TMEM132D: variants seen among roughly 807,000 people sequenced by gnomAD.
TMEM132D encodes mature OL transmembrane protein.
Under a neutral mutation model 62.3 loss-of-function variants are expected in TMEM132D, and 21 were observed. The observed-to-expected ratio is 0.34, with a 90% confidence interval of 0.24 to 0.49. The LOEUF is 0.49. Among genes scored for constraint, TMEM132D ranks in the 20% least tolerant of loss-of-function variants. The pLI is 0.99. For missense variants in TMEM132D, 1,346 were observed against 1,402.8 expected (o/e 0.96, Z 0.65); for synonymous variants, 621 against 575.6 (o/e 1.08, Z -1.13).
rs546228870 is a variant in TMEM132D, at chr12:129,752,081, C to T, written c.80-51383G>A. ...TCAATTTGCCAACACACCATCCCCT[C>T]ATACTACTGGGAAGATTTTTTATGG... On this transcript the variant is annotated intron_variant, in intron 1 of 8. Coordinates refer to ENST00000422113, the MANE Select transcript of TMEM132D (RefSeq NM_133448.3). Among the ~76,000 whole-genome samples, 13 of 152,290 alleles carry T rather than the reference C, an allele frequency of 8.5e-5. No homozygotes were observed. The South Asian group carries it at 2.3e-3, about 27-fold the overall frequency.
intron 1 of TMEM132D, among the ~76,000 whole-genome samples, chr12:129,721,466 G>A (rs1353650232): frequency 6.6e-5 from 10 of 152,164 alleles, no homozygotes; most frequent in African/African-American, 2.2e-4. Context: ...TGCCCAGAAC[G>A]GGGAAGCTTC....
At chr12:129,100,049 CT>C (rs1049464597) in intron 5 of TMEM132D, among the ~76,000 whole-genome samples, 11 of 140,384 alleles carry the variant, frequency 7.8e-5, no homozygotes, top group Non-Finnish European at 1.1e-4. Context: ...ATTTTATTAT[CT>C]TTTTTTTTGG....
At position 129,870,920 on chromosome 12, in the gene TMEM132D, G is replaced by T. The variant is rs143149156; in HGVS notation, c.79+32341C>A. 4.0e-3 allele frequency among the ~76,000 whole-genome samples: 612 copies of T among 152,268 alleles called. 19 individuals carry two copies. Among genetic ancestry groups the T allele is most frequent in the Admixed American group, 0.036 (544 of 15,300 alleles). ...TCTGCACTAACTCTAGGTGGTCAGTGTCAGAATTGCATTGAATCGCAGGAC... is the reference window on the plus strand; with the variant it reads ...TCTGCACTAACTCTAGGTGGTCAGTTTCAGAATTGCATTGAATCGCAGGAC... On this transcript the variant is annotated intron_variant, in intron 1 of 8. Transcript: ENST00000422113.
rs527528745 is a variant in TMEM132D, at chr12:129,770,529, A to G, written c.80-69831T>C. Reference sequence around the variant, plus strand: ...AGATAGAAATTCTTTCAGCTCATCTAACATGGCACTGGAACATATTACTGA... The same window carrying G: ...AGATAGAAATTCTTTCAGCTCATCTGACATGGCACTGGAACATATTACTGA... On this transcript the variant is annotated intron_variant, in intron 1 of 8. Coordinates refer to ENST00000422113, the MANE Select transcript of TMEM132D (RefSeq NM_133448.3). Among the ~76,000 whole-genome samples, 4 of 152,328 alleles carry G rather than the reference A, an allele frequency of 2.6e-5. No individual in the cohort carries two copies. The South Asian group carries it at 8.3e-4, about 32-fold the overall frequency.
chr12:129,078,539 T>G lies in TMEM132D; in HGVS notation c.2110A>C (p.Lys704Gln). The part of the protein sequence containing the change: ...AVAQELLQRP[K>Q]QEAAISCWVQ... ...TCTCAAGCCCTCCTCCATACCTGTTTTGGCCTCTGCAGAAGTTCCTGAGCC... is the reference window on the plus strand; with the variant it reads ...TCTCAAGCCCTCCTCCATACCTGTTGTGGCCTCTGCAGAAGTTCCTGAGCC... Residue 704 changes from lysine to glutamine, a missense_variant, in exon 8 of 9, where the codon AAA becomes CAA. Coordinates refer to ENST00000422113, the MANE Select transcript of TMEM132D (RefSeq NM_133448.3). 4 of 1,613,466 alleles carry G rather than the reference T, an allele frequency of 2.5e-6. No individual in the cohort carries two copies. The highest frequency in any genetic ancestry group is 3.4e-6 in the Non-Finnish European group (4 of 1,179,828).
intron 1 of TMEM132D, among the ~76,000 whole-genome samples, chr12:129,770,140 G>GTTTTT (rs375230592): frequency 0.022 from 2,273 of 103,858 alleles, 140 homozygotes; most frequent in African/African-American, 0.041. Flanking sequence ...GGTTTTTTTG[G>GTTTTT]TTGTTTTTTT....
chr12:129,288,168 A>G (rs1218809846), intron 4 of TMEM132D, among the ~76,000 whole-genome samples: 2 of 152,356 alleles, frequency 1.3e-5, no homozygotes, highest in South Asian at 2.1e-4. Flanking sequence ...GCTCCATGAC[A>G]TTGGTCTCAA....
At chr12:129,184,151 T>A (rs1878154839) in intron 5 of TMEM132D, among the ~76,000 whole-genome samples, 1 of 152,160 alleles carries the variant, frequency 6.6e-6, no homozygotes, top group South Asian at 2.1e-4. Flanking sequence ...CACCACCAAG[T>A]CTGCAGTTTC....
chr12:129,855,183 G>A (rs1224230589), intron 1 of TMEM132D, among the ~76,000 whole-genome samples: 17 of 93,654 alleles, frequency 1.8e-4, no homozygotes, highest in African/African-American at 7.3e-4. Flanking sequence ...CCGGGGGAAC[G>A]GGATGGCTGC....
At chr12:129,096,095 A>G (rs1464572993) in intron 5 of TMEM132D, among the ~76,000 whole-genome samples, 1 of 152,150 alleles carries the variant, frequency 6.6e-6, no homozygotes, top group African/African-American at 2.4e-5. Context: ...CAGCCTTCCC[A>G]GGTATGCACA....
rs201442945 is a variant in TMEM132D, at chr12:129,678,116, C to G, written c.968+21694G>C. Among the ~76,000 whole-genome samples, 86 of 95,124 alleles carry G rather than the reference C, an allele frequency of 9.0e-4. 1 individual carries two copies. The South Asian group carries it at 0.027, about 30-fold the overall frequency. The allele number at this position is 95,124 out of a possible 152,430, so 62.4% of individuals were successfully genotyped here. The stretch of plus-strand genomic sequence containing the variant: ...CATTTTCAGTATTTGTTGATATAAA[C>G]AGTGCTTCTACGAATATTTAAGTAT... On this transcript the variant is annotated intron_variant, in intron 2 of 8. Coordinates refer to ENST00000422113, the MANE Select transcript of TMEM132D (RefSeq NM_133448.3).
At chr12:129,636,107 C>T (rs1309730801) in intron 2 of TMEM132D, among the ~76,000 whole-genome samples, 1 of 152,128 alleles carries the variant, frequency 6.6e-6, no homozygotes, top group Non-Finnish European at 1.5e-5. Flanking sequence ...GATGAAGTTT[C>T]CTGGGTGGCT....
At chr12:129,660,683 G>T (rs1053594864) in intron 2 of TMEM132D, among the ~76,000 whole-genome samples, 1 of 152,110 alleles carries the variant, frequency 6.6e-6, no homozygotes, top group Non-Finnish European at 1.5e-5. Flanking sequence ...CATGTGCGGG[G>T]GGTACAGGAG....
In TMEM132D at chr12:129,802,540, G is replaced by A. The variant is rs12306968; in HGVS notation, c.79+100721C>T. Among the ~76,000 whole-genome samples, 1,018 of 110,468 alleles carry A rather than the reference G, an allele frequency of 9.2e-3. 18 individuals are homozygous for A. The highest frequency in any genetic ancestry group is 0.033 in the African/African-American group (940 of 28,272). 72.5% of individuals were successfully genotyped at this position (110,468 alleles called of 152,430 possible). Reference sequence around the variant, plus strand: ...CCCTAAAAGAGCTCCTGAAGGAAGCGCTAAACATGGAAAGGAACAACCGGT... The same window carrying A: ...CCCTAAAAGAGCTCCTGAAGGAAGCACTAAACATGGAAAGGAACAACCGGT... On this transcript the variant is annotated intron_variant, in intron 1 of 8. Coordinates refer to ENST00000422113, the MANE Select transcript of TMEM132D (RefSeq NM_133448.3).
At chr12:129,882,604 G>A (rs1455890138) in intron 1 of TMEM132D, among the ~76,000 whole-genome samples, 1 of 152,090 alleles carries the variant, frequency 6.6e-6, no homozygotes, top group Non-Finnish European at 1.5e-5. Flanking sequence ...GACATTAAAT[G>A]CTCCCAACAC....
At chr12:129,415,947 G>T (rs144199463) in intron 3 of TMEM132D, among the ~76,000 whole-genome samples, 1 of 152,096 alleles carries the variant, frequency 6.6e-6, no homozygotes, top group Non-Finnish European at 1.5e-5. Context: ...CATTCTGCTC[G>T]GCTTAACACT....
intron 3 of TMEM132D, among the ~76,000 whole-genome samples, chr12:129,517,121 C>T (rs759327199): frequency 2.0e-4 from 30 of 152,102 alleles, no homozygotes; most frequent in Non-Finnish European, 3.5e-4. Context: ...CTATAGATCC[C>T]GGACACAGGC....
At chr12:129,276,350 G>A (rs533723036) in intron 4 of TMEM132D, among the ~76,000 whole-genome samples, 285 of 152,310 alleles carry the variant, frequency 1.9e-3, no homozygotes, top group African/African-American at 6.3e-3. Flanking sequence ...CTGTCAAAGC[G>A]TGGAGAGCGT....
intron 3 of TMEM132D, among the ~76,000 whole-genome samples, chr12:129,437,807 G>T (rs57531739): frequency 0.016 from 2,427 of 151,078 alleles, 48 homozygotes; most frequent in African/African-American, 0.042. Flanking sequence ...TGTTACATAG[G>T]TATACTTGTG....
Sources: allele counts gnomAD v4.1 joint callset (sites outside exome capture counted in the v4.1 genomes callset), GRCh38; gene constraint gnomAD v4.1.1; transcripts MANE v1.5; gene names NCBI Gene and HGNC (gene_info 2026-07-23, HGNC 2026-07-21).